SOX13: variants seen among roughly 807,000 people sequenced by gnomAD.
SOX13 encodes the protein transcription factor SOX-13.
SOX13 carries 28 observed loss-of-function variants against 71.8 expected under a neutral mutation model. The ratio of observed to expected loss-of-function variants is 0.39; its 90% CI spans 0.29 to 0.53. The LOEUF is 0.53. SOX13 is among the 20% of genes least tolerant of loss of function. The pLI is 0.70. For synonymous variants in SOX13, 309 were observed against 317.8 expected (o/e 0.97, Z 0.29); for missense variants, 627 against 810.3 (o/e 0.77, Z 2.75).
chr1:204,125,143 G>A (rs1019010259), intron 13 of SOX13, among the ~76,000 whole-genome samples: 2 of 152,146 alleles, frequency 1.3e-5, no homozygotes, highest in East Asian at 1.9e-4. Context: ...TCCCACGGCC[G>A]ATAAACTCAA....
rs1395081463 is a variant in SOX13, at chr1:204,073,222, G to T, written c.-491G>T. On this transcript the variant is annotated 5_prime_UTR_variant, in exon 1 of 14. Coordinates refer to ENST00000367204, the MANE Select transcript of SOX13 (RefSeq NM_005686.3). The surrounding 1 kb of genome is among the most constrained non-coding windows in gnomAD (Gnocchi z 6.8). Reference sequence around the variant, plus strand: ...CCGGGCCCAGAACCGGCGAGCCCAGGTCTGAGCCCAGAGCTCAGCGGTCAG... The same window carrying T: ...CCGGGCCCAGAACCGGCGAGCCCAGTTCTGAGCCCAGAGCTCAGCGGTCAG... 2 of 152,378 alleles carry T rather than the reference G, an allele frequency of 1.3e-5. No homozygotes were observed. The highest frequency in any genetic ancestry group is 2.9e-5 in the Non-Finnish European group (2 of 68,138). The allele number at this position is 152,378 out of a possible 1,614,324, so 9.4% of individuals were successfully genotyped here. A position where few individuals can be genotyped will look rare whatever the true frequency, so the allele number is the denominator to read the frequency against.
intron 1 of SOX13, among the ~76,000 whole-genome samples, chr1:204,106,318 C>CTAA (rs968719015): frequency 6.6e-6 from 1 of 152,240 alleles, no homozygotes; most frequent in Middle Eastern, 3.4e-3. Context: ...CAGGAGCTGT[C>CTAA]TAATAGTCCT....
intron 1 of SOX13, among the ~76,000 whole-genome samples, chr1:204,098,823 G>T (rs1442370390): frequency 6.6e-6 from 1 of 152,194 alleles, no homozygotes; most frequent in African/African-American, 2.4e-5. Context: ...AGATACCGTG[G>T]GTAGGACTCT....
At chr1:204,092,826 A>G (rs1269231536) in intron 1 of SOX13, among the ~76,000 whole-genome samples, 2 of 152,164 alleles carry the variant, frequency 1.3e-5, no homozygotes, top group Admixed American at 6.5e-5. Context: ...ACTGTCTCCT[A>G]TAACACCTCC....
intron 1 of SOX13, among the ~76,000 whole-genome samples, chr1:204,074,607 T>C (rs1655747222): frequency 6.6e-6 from 1 of 152,148 alleles, no homozygotes; most frequent in South Asian, 2.1e-4. Context: ...CGGGATTCGC[T>C]CAGCTGCCCG....
At chr1:204,096,182 C>G (rs111974601) in intron 1 of SOX13, among the ~76,000 whole-genome samples, 5,004 of 148,454 alleles carry the variant, frequency 0.034, 286 homozygotes, top group African/African-American at 0.12. Flanking sequence ...AATTCTATAT[C>G]TAATTTCTTG....
At chr1:204,084,117 A>G (rs2102224613) in intron 1 of SOX13, among the ~76,000 whole-genome samples, 1 of 152,262 alleles carries the variant, frequency 6.6e-6, no homozygotes, top group Middle Eastern at 3.4e-3. Flanking sequence ...ATTTGAAGAC[A>G]AGGTGGCCAG....
At chr1:204,075,286 G>C (rs1655763663) in intron 1 of SOX13, among the ~76,000 whole-genome samples, 1 of 152,076 alleles carries the variant, frequency 6.6e-6, no homozygotes, top group African/African-American at 2.4e-5. Flanking sequence ...GGACTCGTCC[G>C]ACGCGGCGCC....
intron 1 of SOX13, among the ~76,000 whole-genome samples, chr1:204,089,216 G>A (rs1656086322): frequency 6.6e-6 from 1 of 152,156 alleles, no homozygotes; most frequent in Non-Finnish European, 1.5e-5. Context: ...CAGGAAAGAG[G>A]AGCAGATCAA....
intron 1 of SOX13, among the ~76,000 whole-genome samples, chr1:204,099,345 A>G (rs752693892): frequency 3.4e-5 from 5 of 148,448 alleles, no homozygotes; most frequent in Admixed American, 6.7e-5. Context: ...GTTGATTCCT[A>G]TGGTCTGACT....
intron 1 of SOX13, among the ~76,000 whole-genome samples, chr1:204,097,220 G>A (rs977622151): frequency 5.9e-5 from 9 of 152,174 alleles, no homozygotes; most frequent in Non-Finnish European, 8.8e-5. Flanking sequence ...ATGTGAAATT[G>A]GAAGAGTTGA....
rs757903206 is a variant in SOX13 at position 204,114,487 on chromosome 1, C to T, written c.332-32C>T. On this transcript the variant is annotated intron_variant, in intron 3 of 13. Coordinates refer to ENST00000367204, the MANE Select transcript of SOX13 (RefSeq NM_005686.3). Reference sequence around the variant, plus strand: ...GGCCTGAGGCAGGGAGGTGTTAAGACGGTTATTCCTCACCCCTTTGCTGTC... The same window carrying T: ...GGCCTGAGGCAGGGAGGTGTTAAGATGGTTATTCCTCACCCCTTTGCTGTC... 119 of 1,605,768 alleles carry T rather than the reference C, an allele frequency of 7.4e-5. 1 individual carries two copies. The highest frequency in any genetic ancestry group is 1.7e-4 in the Admixed American group (10 of 59,994).
intron 7 of SOX13, among the ~76,000 whole-genome samples, chr1:204,120,383 G>A (rs1199530027): frequency 6.6e-6 from 1 of 152,252 alleles, no homozygotes; most frequent in Non-Finnish European, 1.5e-5. Flanking sequence ...TAAATAAGCT[G>A]TGGGAGCCCG....
At chr1:204,085,699 G>T (rs191295928) in intron 1 of SOX13, among the ~76,000 whole-genome samples, 232 of 151,728 alleles carry the variant, frequency 1.5e-3, no homozygotes, top group Non-Finnish European at 2.4e-3. Context: ...AAAGATCCAG[G>T]CCTGGTGGCT....
At chr1:204,076,688 G>A (rs1655793141) in intron 1 of SOX13, among the ~76,000 whole-genome samples, 1 of 152,204 alleles carries the variant, frequency 6.6e-6, no homozygotes. Flanking sequence ...TCCTTTCTCA[G>A]ACCCTCCAAC....
In SOX13 at chr1:204,123,216, C is replaced by G. The variant is rs752551989; in HGVS notation, c.1231+8C>G. 1 of 1,609,068 alleles carries G rather than the reference C, an allele frequency of 6.2e-7. No individual in the cohort carries two copies. The highest frequency in any genetic ancestry group is 1.7e-5 in the Admixed American group (1 of 60,024). Reference sequence around the variant, plus strand: ...TGAGCTGCGACATGGATGGTGAGGGCTCAGGCGCAGGGCTGATGCGCAGGA... The same window carrying G: ...TGAGCTGCGACATGGATGGTGAGGGGTCAGGCGCAGGGCTGATGCGCAGGA... On this transcript the variant is annotated splice_region_variant and intron_variant, in intron 11 of 13. Coordinates refer to ENST00000367204, the MANE Select transcript of SOX13 (RefSeq NM_005686.3). This position sits in a 1 kb window ranked among gnomAD's most constrained non-coding sequence, Gnocchi z 5.0.
At position 204,127,665 on chromosome 1, in the gene SOX13, A is replaced by T. The variant is rs1160583984; in HGVS notation, c.*1531A>T. ...ATAATAAGATAATGATGAGTAACTT[A>T]ACCAGCACATTTCTCCTGTTTACAC... On this transcript the variant is annotated 3_prime_UTR_variant, in exon 14 of 14. Transcript: ENST00000367204. 3 of 152,744 alleles carry T rather than the reference A, an allele frequency of 2.0e-5. No individual in the cohort carries two copies. The East Asian group carries it at 5.8e-4, about 29-fold the overall frequency. 9.5% of individuals were successfully genotyped at this position (152,744 alleles called of 1,614,324 possible). A position where few individuals can be genotyped will look rare whatever the true frequency, so the allele number is the denominator to read the frequency against.
At chr1:204,116,296 G>A (rs1420746116) in intron 4 of SOX13, 1 of 1,524,484 alleles carries the variant, frequency 6.6e-7, no homozygotes, top group South Asian at 1.2e-5. Context: ...GCTAATAGGG[G>A]AGAACTTCTA....
At chr1:204,109,953 C>G (rs942894710) in intron 1 of SOX13, among the ~76,000 whole-genome samples, 2 of 152,142 alleles carry the variant, frequency 1.3e-5, no homozygotes, top group South Asian at 4.1e-4. Flanking sequence ...CTGCCTCAGC[C>G]TCCTGAGTAG....
Sources: gnomAD v4.1 joint callset for allele counts (sites outside exome capture counted in the v4.1 genomes callset) on GRCh38, gnomAD v4.1.1 for gene constraint, Gnocchi (gnomAD v3.1) non-coding constraint, MANE v1.5 for transcripts, NCBI Gene and HGNC (gene_info 2026-07-23, HGNC 2026-07-21) for gene names.